Variants in GRM8 observed in about 807,000 individuals in gnomAD.
The protein encoded by GRM8 is glutamate metabotropic receptor 8.
In GRM8, 47 loss-of-function variants were observed where a neutral mutation model predicts 87.2. The ratio of observed to expected loss-of-function variants is 0.54; its 90% CI spans 0.43 to 0.69. GRM8 has a LOEUF of 0.69. Ranked by LOEUF, GRM8 falls within the 30% of genes least tolerant of loss-of-function variation. The pLI is 0.00. For synonymous variants in GRM8, 396 were observed against 404.5 expected (o/e 0.98, Z 0.25); for missense variants, 1,019 against 1,139.2 (o/e 0.89, Z 1.52).
intron 2 of GRM8, among the ~76,000 whole-genome samples, chr7:127,204,117 C>A (rs1267986836): frequency 6.8e-6 from 1 of 146,956 alleles, no homozygotes; most frequent in Non-Finnish European, 1.5e-5. Context: ...AGTTAATGTA[C>A]ACAACATTCA....
In GRM8 at chr7:126,584,942, T is replaced by C. The variant is rs538164558; in HGVS notation, c.1494+24420A>G. Among the ~76,000 whole-genome samples the C allele has an allele frequency of 8.5e-5, 13 of 152,292 alleles. No homozygotes were observed. In the East Asian group the frequency reaches 2.5e-3, roughly 29 times the overall value. ...TTATATGCTCTCATGTTAGTCTTAG[T>C]ATTCATAAGCTAAAAGCACTCATCC... On this transcript the variant is annotated intron_variant, in intron 8 of 10. Coordinates refer to ENST00000339582, the MANE Select transcript of GRM8 (RefSeq NM_000845.3).
At chr7:126,534,021 T>A in intron 8 of GRM8, 134 bp from the exon 9 acceptor site, 1 of 670,766 alleles carries the variant, frequency 1.5e-6, no homozygotes, top group Non-Finnish European at 2.5e-6. Flanking sequence ...AGTCTCGTTT[T>A]TTTTCCCCTG....
chr7:127,212,070 T>C (rs1005911926), intron 2 of GRM8, among the ~76,000 whole-genome samples: 43 of 152,196 alleles, frequency 2.8e-4, no homozygotes, highest in Admixed American at 2.7e-3. Flanking sequence ...CTCCCTTACA[T>C]AATAGTCACA....
At chr7:127,229,732 G>A (rs553828973) in intron 2 of GRM8, 10 of 152,202 alleles carry the variant, frequency 6.6e-5, no homozygotes, top group African/African-American at 7.2e-5. Context: ...TTTACACTTG[G>A]AATATTGTCA....
At chr7:127,139,924 G>C (rs777143961) in intron 2 of GRM8, among the ~76,000 whole-genome samples, 7 of 152,098 alleles carry the variant, frequency 4.6e-5, no homozygotes, top group Non-Finnish European at 8.8e-5. Flanking sequence ...ACTCATGCTA[G>C]AAGCACAGGT....
intron 3 of GRM8, among the ~76,000 whole-genome samples, chr7:126,993,779 A>G (rs556171258): frequency 6.6e-6 from 1 of 152,282 alleles, no homozygotes; most frequent in East Asian, 1.9e-4. Context: ...ACATGAAGGG[A>G]GCATTTGGAC....
chr7:126,979,389 CTAATT>C lies in GRM8; in HGVS notation c.728-74711_728-74707del, dbSNP rs200824107. ...ACACATGATAAATATAAATGTTCAT[CTAATT>C]TAATACATAGCTAAATACATAGAAG... On this transcript the variant is annotated intron_variant, in intron 3 of 10. Coordinates refer to ENST00000339582, the MANE Select transcript of GRM8 (RefSeq NM_000845.3). 8.5e-5 allele frequency among the ~76,000 whole-genome samples: 13 copies of C among 152,276 alleles called. No individual in the cohort carries two copies. The East Asian group carries it at 2.3e-3, about 27-fold the overall frequency.
intron 2 of GRM8, chr7:127,118,370 GAGA>G (rs1201070694): frequency 6.6e-6 from 1 of 152,186 alleles, no homozygotes; most frequent in African/African-American, 2.4e-5. Flanking sequence ...ATGTTCCTCT[GAGA>G]AGGCATCATC....
chr7:126,762,982 T>TA (rs1356268835), intron 7 of GRM8, among the ~76,000 whole-genome samples: 19 of 152,050 alleles, frequency 1.2e-4, no homozygotes, highest in Admixed American at 1.1e-3. Flanking sequence ...AAGTGAGACT[T>TA]AACATTTTTT....
At chr7:126,499,121 C>T (rs1415716687) in intron 9 of GRM8, among the ~76,000 whole-genome samples, 2 of 151,882 alleles carry the variant, frequency 1.3e-5, no homozygotes, top group Non-Finnish European at 2.9e-5. Context: ...CAACAAACCT[C>T]TCCAAATTTG....
At chr7:126,759,745 C>T (rs185836212) in intron 7 of GRM8, among the ~76,000 whole-genome samples, 2 of 152,214 alleles carry the variant, frequency 1.3e-5, no homozygotes, top group African/African-American at 2.4e-5. Flanking sequence ...TGTAAGATGA[C>T]CCAAGCAGTC....
chr7:126,730,538 T>C (rs1359589856), intron 7 of GRM8, among the ~76,000 whole-genome samples: 1 of 152,120 alleles, frequency 6.6e-6, no homozygotes, highest in Non-Finnish European at 1.5e-5. Context: ...ATTAAGAATA[T>C]TTTATTTTGT....
At chr7:126,934,868 T>A (rs1326218626) in intron 3 of GRM8, among the ~76,000 whole-genome samples, 1 of 152,218 alleles carries the variant, frequency 6.6e-6, no homozygotes, top group East Asian at 1.9e-4. Context: ...AGCCACAGGA[T>A]AAACATAGCT....
At chr7:126,831,699 T>G (rs1402240626) in intron 6 of GRM8, among the ~76,000 whole-genome samples, 2 of 152,122 alleles carry the variant, frequency 1.3e-5, no homozygotes. Flanking sequence ...CACAGTGCGC[T>G]GCACCCACTG....
At chr7:126,612,462 T>C (rs1466918896) in intron 7 of GRM8, among the ~76,000 whole-genome samples, 2 of 152,172 alleles carry the variant, frequency 1.3e-5, no homozygotes, top group East Asian at 1.9e-4. Context: ...GGCTCAAGGG[T>C]CATGCACTTA....
chr7:126,606,021 C>A (rs1179692527), intron 8 of GRM8, among the ~76,000 whole-genome samples: 1 of 152,138 alleles, frequency 6.6e-6, no homozygotes, highest in Non-Finnish European at 1.5e-5. Context: ...CTGAATTTCC[C>A]AAATCTATTC....
chr7:126,960,629 CT>C (rs1809216971), intron 3 of GRM8, among the ~76,000 whole-genome samples: 1 of 152,084 alleles, frequency 6.6e-6, no homozygotes, highest in Non-Finnish European at 1.5e-5. Flanking sequence ...ATTTTGTAGC[CT>C]TAGACTAATA....
chr7:127,140,994 C>A (rs1300884040), intron 2 of GRM8, among the ~76,000 whole-genome samples: 1 of 152,262 alleles, frequency 6.6e-6, no homozygotes, highest in East Asian at 1.9e-4. Flanking sequence ...TTGTGACTGT[C>A]TGCATGCTGA....
At chr7:126,974,218 C>G (rs2131801435) in intron 3 of GRM8, among the ~76,000 whole-genome samples, 1 of 152,266 alleles carries the variant, frequency 6.6e-6, no homozygotes, top group South Asian at 2.1e-4. Flanking sequence ...TTCCAAAATA[C>G]AGAAAAAGGC....
Sources: allele counts gnomAD v4.1 joint callset (sites outside exome capture counted in the v4.1 genomes callset), GRCh38; gene constraint gnomAD v4.1.1; transcripts MANE v1.5; gene names NCBI Gene and HGNC (gene_info 2026-07-23, HGNC 2026-07-21).